Variants in PELI2 observed in about 807,000 individuals in gnomAD.
The protein encoded by PELI2 is E3 ubiquitin-protein ligase pellino homolog 2.
In PELI2, 23 loss-of-function variants were observed where a neutral mutation model predicts 42.3. The observed-to-expected ratio is 0.54, with a 90% CI of 0.39 to 0.77. PELI2 has a LOEUF of 0.77. Ranked by LOEUF, PELI2 falls within the 30% of genes least tolerant of loss-of-function variation. The pLI, the probability that PELI2 is intolerant of heterozygous loss-of-function variation, is 0.00. For missense variants in PELI2, 463 were observed against 553.2 expected (o/e 0.84, Z 1.64); for synonymous variants, 245 against 212.2 (o/e 1.15, Z -1.34).
intron 1 of PELI2, among the ~76,000 whole-genome samples, chr14:56,125,763 A>G (rs546316706): frequency 6.6e-6 from 1 of 152,250 alleles, no homozygotes; most frequent in Non-Finnish European, 1.5e-5. Flanking sequence ...CAGAGTGGCC[A>G]TTGAATTCCA....
chr14:56,165,042 T>C (rs1454508676), intron 1 of PELI2, among the ~76,000 whole-genome samples: 2 of 150,642 alleles, frequency 1.3e-5, no homozygotes, highest in Non-Finnish European at 3.0e-5. Context: ...ATTTCTGCTC[T>C]GATCTTTATT....
intron 2 of PELI2, among the ~76,000 whole-genome samples, chr14:56,274,009 T>A (rs1889199846): frequency 1.3e-5 from 2 of 152,210 alleles, no homozygotes; most frequent in Non-Finnish European, 2.9e-5. Context: ...TCATGTCATA[T>A]TTTAGTGACA....
intron 2 of PELI2, among the ~76,000 whole-genome samples, chr14:56,234,376 G>C (rs1406138465): frequency 1.3e-5 from 2 of 152,124 alleles, no homozygotes; most frequent in Admixed American, 1.3e-4. Context: ...GATAGACTGG[G>C]TTAAGAAAAT....
intron 1 of PELI2, among the ~76,000 whole-genome samples, chr14:56,128,161 G>A (rs1208643867): frequency 6.6e-6 from 1 of 152,180 alleles, no homozygotes; most frequent in Non-Finnish European, 1.5e-5. Flanking sequence ...TTTGTGTTAG[G>A]TGATGCTGTT....
chr14:56,183,886 A>C (rs551034179), intron 2 of PELI2, among the ~76,000 whole-genome samples: 300 of 152,272 alleles, frequency 2.0e-3, no homozygotes, highest in Non-Finnish European at 2.6e-3. Context: ...GTATAGTGTT[A>C]GGGAGAAAAA....
intron 1 of PELI2, among the ~76,000 whole-genome samples, chr14:56,132,113 C>G (rs759349452): frequency 1.3e-5 from 2 of 152,186 alleles, no homozygotes; most frequent in Non-Finnish European, 2.9e-5. Context: ...ATGCCATATG[C>G]TCCTTTACAG....
chr14:56,171,957 C>T (rs550229798), intron 1 of PELI2, among the ~76,000 whole-genome samples: 19 of 151,894 alleles, frequency 1.3e-4, no homozygotes, highest in African/African-American at 3.6e-4. Flanking sequence ...CGGAGGTTGT[C>T]GTGAGCCAGG....
chr14:56,239,757 G>A (rs1275890261), intron 2 of PELI2, among the ~76,000 whole-genome samples: 1 of 152,066 alleles, frequency 6.6e-6, no homozygotes, highest in East Asian at 1.9e-4. Context: ...TGGTGATTTG[G>A]GAAGTCCTTT....
intron 1 of PELI2, among the ~76,000 whole-genome samples, chr14:56,171,693 G>A (rs544261336): frequency 2.0e-5 from 3 of 152,276 alleles, no homozygotes; most frequent in African/African-American, 7.2e-5. Flanking sequence ...ATAGTTTTCA[G>A]GAGGAGGTGA....
At chr14:56,128,319 C>T (rs761437601) in intron 1 of PELI2, among the ~76,000 whole-genome samples, 1 of 152,068 alleles carries the variant, frequency 6.6e-6, no homozygotes, top group African/African-American at 2.4e-5. Flanking sequence ...GGATGGTGGG[C>T]GAGAGCTCTG....
intron 2 of PELI2, among the ~76,000 whole-genome samples, chr14:56,226,332 C>A (rs569426961): frequency 1.3e-5 from 2 of 152,196 alleles, no homozygotes; most frequent in African/African-American, 2.4e-5. Context: ...ATCAGCCTCA[C>A]TGGCCAGCCC....
At chr14:56,272,162 A>G (rs996800668) in intron 2 of PELI2, among the ~76,000 whole-genome samples, 10 of 152,200 alleles carry the variant, frequency 6.6e-5, no homozygotes, top group Admixed American at 1.3e-4. Flanking sequence ...TAGCCAGACT[A>G]TTGTGTGGCC....
In PELI2 at chr14:56,238,018, A is replaced by C. The variant is rs570232037; in HGVS notation, c.208-41658A>C. ...TGTTGCTGTTATATGATTCTTTTTT[A>C]ATGGGCATATTAAGGCCCTGATTTA... is the stretch of plus-strand genomic sequence containing the variant. On this transcript the variant is annotated intron_variant, in intron 2 of 5. Coordinates refer to ENST00000267460, the MANE Select transcript of PELI2 (RefSeq NM_021255.3). Among the ~76,000 whole-genome samples the C allele has an allele frequency of 2.6e-5, 4 of 152,270 alleles. No homozygotes were observed. The South Asian group carries it at 8.3e-4, about 32-fold the overall frequency.
intron 1 of PELI2, among the ~76,000 whole-genome samples, chr14:56,148,053 C>T (rs1884198237): frequency 6.6e-6 from 1 of 152,144 alleles, no homozygotes. Context: ...GTTATCTTTC[C>T]CTGGTAAATC....
chr14:56,191,822 T>C (rs934146942), intron 2 of PELI2, among the ~76,000 whole-genome samples: 4 of 152,218 alleles, frequency 2.6e-5, no homozygotes, highest in Admixed American at 2.0e-4. Flanking sequence ...TTTGTTTTTG[T>C]TTTTAAAGAA....
At chr14:56,201,239 G>T (rs1310133449) in intron 2 of PELI2, among the ~76,000 whole-genome samples, 3 of 152,182 alleles carry the variant, frequency 2.0e-5, no homozygotes, top group Non-Finnish European at 4.4e-5. Context: ...GATGATCCTG[G>T]ATTTGCTGGT....
At chr14:56,289,292 A>G (rs893003085) in intron 4 of PELI2, among the ~76,000 whole-genome samples, 1 of 152,150 alleles carries the variant, frequency 6.6e-6, no homozygotes, top group Non-Finnish European at 1.5e-5. Flanking sequence ...CATCCAGTGC[A>G]CTGGGTTCTC....
chr14:56,295,953 C>G (rs1234955977), intron 5 of PELI2, among the ~76,000 whole-genome samples: 1 of 152,256 alleles, frequency 6.6e-6, no homozygotes, highest in Non-Finnish European at 1.5e-5. Context: ...AGGCAGCGGT[C>G]ACGTTCTTGC....
At chr14:56,162,124 G>T (rs1278633026) in intron 1 of PELI2, among the ~76,000 whole-genome samples, 1 of 152,108 alleles carries the variant, frequency 6.6e-6, no homozygotes, top group Non-Finnish European at 1.5e-5. Context: ...CACACAATCC[G>T]ATTACATTCT....
Sources: allele counts gnomAD v4.1 joint callset (sites outside exome capture counted in the v4.1 genomes callset), GRCh38; gene constraint gnomAD v4.1.1; transcripts MANE v1.5; gene names NCBI Gene and HGNC (gene_info 2026-07-23, HGNC 2026-07-21).